Variants in TMEM131L observed in about 807,000 individuals in gnomAD.
TMEM131L encodes the protein transmembrane protein 131-like.
Under a neutral mutation model 192.2 loss-of-function variants are expected in TMEM131L, and 54 were observed. That is an observed-to-expected ratio of 0.28 (90% CI 0.23 to 0.35). The LOEUF is 0.35. Among genes scored for constraint, TMEM131L ranks in the 10% least tolerant of loss-of-function variants. TMEM131L has a pLI of 1.00. For missense variants in TMEM131L, 1,888 were observed against 1,972.9 expected (o/e 0.96, Z 0.82); for synonymous variants, 701 against 704.9 (o/e 0.99, Z 0.09).
chr4:153,581,186 G>A (rs193194696), intron 8 of TMEM131L, among the ~76,000 whole-genome samples: 2 of 152,266 alleles, frequency 1.3e-5, no homozygotes, highest in African/African-American at 2.4e-5. Context: ...CCTGGGAGGC[G>A]GAGCTTGCAG....
rs1357013879 is a variant in TMEM131L at position 153,466,454 on chromosome 4, G to A, written c.57G>A (p.Val19=). The change falls in exon 1 of 35, where the codon GTG becomes GTA. Residue 19 remains valine (V), a synonymous_variant. Transcript: ENST00000409959. ...PGCYCRTAAA[V]NLLLGVFQVL... The stretch of plus-strand genomic sequence containing the variant: ...GCTACTGCCGCACCGCGGCGGCCGT[G>A]AACCTCCTGCTGGGCGTCTTCCAGG... 1 of 1,425,360 alleles carries A rather than the reference G, an allele frequency of 7.0e-7. No individual in the cohort carries two copies. Among genetic ancestry groups the A allele is most frequent in the Non-Finnish European group, 9.2e-7 (1 of 1,082,430 alleles). 88.3% of individuals were successfully genotyped at this position (1,425,360 alleles called of 1,614,324 possible). A position where few individuals can be genotyped will look rare whatever the true frequency, so the allele number is the denominator to read the frequency against.
At chr4:153,466,693 C>G (rs114063000) in intron 1 of TMEM131L, among the ~76,000 whole-genome samples, 172 bp downstream of exon 1, 2,362 of 152,282 alleles carry the variant, frequency 0.016, 71 homozygotes, top group African/African-American at 0.054. Flanking sequence ...CACAGCGTCC[C>G]GTCCCGCGCC....
At chr4:153,469,717 A>G (rs931815902) in intron 2 of TMEM131L, among the ~76,000 whole-genome samples, 2 of 152,182 alleles carry the variant, frequency 1.3e-5, no homozygotes, top group Non-Finnish European at 2.9e-5. Context: ...ACCTGAGGTC[A>G]GGAGTTTGAG....
chr4:153,568,749 A>C, intron 7 of TMEM131L, among the ~76,000 whole-genome samples: 1 of 152,240 alleles, frequency 6.6e-6, no homozygotes, highest in East Asian at 1.9e-4. Context: ...GTACTTTAGA[A>C]ACTTTTGTTA....
At position 153,480,808 on chromosome 4, in the gene TMEM131L, T is replaced by C. The variant is rs115103413; in HGVS notation, c.239+6920T>C. On this transcript the variant is annotated intron_variant, in intron 3 of 34. Transcript: ENST00000409959. Reference sequence around the variant, plus strand: ...TCATACCTTCTCCCCAGAGTTCTCCTTTAGCTTGCAGGTGCCACAAAATTA... The same window carrying C: ...TCATACCTTCTCCCCAGAGTTCTCCCTTAGCTTGCAGGTGCCACAAAATTA... Among the ~76,000 whole-genome samples the C allele has an allele frequency of 4.9e-3, 740 of 152,342 alleles. 9 individuals carry two copies. The highest frequency in any genetic ancestry group is 0.016 in the African/African-American group (682 of 41,576).
At chr4:153,612,097 C>A (rs903932906) in intron 25 of TMEM131L, among the ~76,000 whole-genome samples, 155 bp from the exon 26 acceptor site, 2 of 151,948 alleles carry the variant, frequency 1.3e-5, no homozygotes, top group Non-Finnish European at 2.9e-5. Flanking sequence ...CATCTATGAA[C>A]AAAATAAATT....
chr4:153,487,457 GT>G (rs1372343220), intron 3 of TMEM131L, among the ~76,000 whole-genome samples: 1 of 152,166 alleles, frequency 6.6e-6, no homozygotes, highest in East Asian at 1.9e-4. Flanking sequence ...GGTCTCATAT[GT>G]CCTGGCATGC....
Position 153,555,757 on chromosome 4 carries a change from A to C in TMEM131L, c.309-30A>C, listed in dbSNP as rs1487324824. ...GGTAATATTTATAACCACACAATAC[A>C]TTGATTTTTCTCTTTGTTTCTCCTC... On this transcript the variant is annotated intron_variant, in intron 4 of 34. Transcript: ENST00000409959. This position sits in a 1 kb window ranked among gnomAD's most constrained non-coding sequence, Gnocchi z 4.1. 3 of 1,539,828 alleles carry C rather than the reference A, an allele frequency of 1.9e-6. No individual in the cohort carries two copies. Among genetic ancestry groups the C allele is most frequent in the Non-Finnish European group, 1.8e-6 (2 of 1,136,844 alleles).
intron 3 of TMEM131L, among the ~76,000 whole-genome samples, chr4:153,515,996 G>A (rs1297981358): frequency 3.3e-5 from 5 of 151,042 alleles, no homozygotes; most frequent in Non-Finnish European, 5.9e-5. Context: ...CTCACACAGC[G>A]TTGGGATTAT....
At chr4:153,602,829 A>G in intron 23 of TMEM131L, 102 bp downstream of exon 23, 23 of 965,638 alleles carry the variant, frequency 2.4e-5, no homozygotes, top group Non-Finnish European at 3.7e-5. Flanking sequence ...AAGTATATGA[A>G]TTGAGTGGAA....
At chr4:153,593,050 A>G (rs573975693) in intron 18 of TMEM131L, among the ~76,000 whole-genome samples, 1 of 152,052 alleles carries the variant, frequency 6.6e-6, no homozygotes, top group Non-Finnish European at 1.5e-5. Flanking sequence ...GGCCCTCCTT[A>G]TTTGAGGGTT....
chr4:153,502,429 A>G (rs1211021610), intron 3 of TMEM131L, among the ~76,000 whole-genome samples: 2 of 152,176 alleles, frequency 1.3e-5, no homozygotes, highest in African/African-American at 4.8e-5. Flanking sequence ...AGTGAACCTT[A>G]TTAGTATACT....
intron 3 of TMEM131L, among the ~76,000 whole-genome samples, chr4:153,530,765 G>T (rs1041360159): frequency 2.0e-5 from 3 of 152,124 alleles, no homozygotes; most frequent in Non-Finnish European, 4.4e-5. Flanking sequence ...TCTTAGGATC[G>T]CAGCTGAGAG....
rs1731897740 is a variant in TMEM131L, at chr4:153,602,287, A to G, written c.2402A>G (p.Asp801Gly). The G allele has an allele frequency of 6.2e-7, 1 of 1,613,710 alleles. No homozygotes were observed. Among genetic ancestry groups the G allele is most frequent in the South Asian group, 1.1e-5 (1 of 90,940 alleles). Residue 801 changes from aspartate to glycine, a missense_variant, in exon 22 of 35, where the codon GAT (aspartate) becomes GGT (glycine). Coordinates refer to ENST00000409959, the MANE Select transcript of TMEM131L (RefSeq NM_001131007.2). The stretch of plus-strand genomic sequence containing the variant: ...CAAGGTTATGGATTCGAGGTGCTGG[A>G]TTGTCATCAGTTTTCCCTGGACCCA... ...NCQGYGFEVLDCHQFSLDPNT... is the reference protein window; with the variant it reads ...NCQGYGFEVLGCHQFSLDPNT...
At chr4:153,470,953 G>C (rs1333881658) in intron 2 of TMEM131L, among the ~76,000 whole-genome samples, 1 of 151,876 alleles carries the variant, frequency 6.6e-6, no homozygotes, top group Non-Finnish European at 1.5e-5. Flanking sequence ...CTCCCTCTTT[G>C]AGTTTCTTGT....
In TMEM131L at chr4:153,592,444, G is replaced by C. The variant is rs547467058; in HGVS notation, c.1813-31G>C. 2.5e-5 allele frequency: 37 copies of C among 1,469,088 alleles called. No individual in the cohort carries two copies. In the Admixed American group the frequency reaches 5.4e-4, roughly 21 times the overall value. 91.0% of individuals were successfully genotyped at this position (1,469,088 alleles called of 1,614,324 possible). On this transcript the variant is annotated intron_variant, in intron 17 of 34. Transcript: ENST00000409959. ...TCAGGAGGGATGCTGTGTCCCTCTC[G>C]GGGTTTTAACTTTTCTTTCCTCACA... is the stretch of plus-strand genomic sequence containing the variant.
At position 153,512,635 on chromosome 4, in the gene TMEM131L, GAC is replaced by G. The variant is rs372497087; in HGVS notation, c.240-37436_240-37435del. ...TCTGCTTTCATCCTTTATCTTTTGA[GAC>G]AGAGTCTTGCTCTGTCGCCAGGCTG... On this transcript the variant is annotated intron_variant, in intron 3 of 34. Transcript: ENST00000409959. 8.0e-3 allele frequency among the ~76,000 whole-genome samples: 1,221 copies of G among 152,050 alleles called. 9 individuals carry two copies. Among genetic ancestry groups the G allele is most frequent in the Non-Finnish European group, 0.011 (770 of 68,002 alleles).
intron 7 of TMEM131L, among the ~76,000 whole-genome samples, chr4:153,578,611 C>G (rs916780860): frequency 6.6e-6 from 1 of 151,522 alleles, no homozygotes; most frequent in African/African-American, 2.4e-5. Context: ...AGCTCTGCCT[C>G]TCAGGTTCAC....
chr4:153,607,768 G>A (rs1732339284), intron 25 of TMEM131L, among the ~76,000 whole-genome samples: 1 of 152,162 alleles, frequency 6.6e-6, no homozygotes, highest in Non-Finnish European at 1.5e-5. Flanking sequence ...AAATGTTCTA[G>A]GGTATGTATG....
Sources: gnomAD v4.1 joint callset for allele counts (sites outside exome capture counted in the v4.1 genomes callset) on GRCh38, gnomAD v4.1.1 for gene constraint, Gnocchi (gnomAD v3.1) non-coding constraint, MANE v1.5 for transcripts, NCBI Gene and HGNC (gene_info 2026-07-23, HGNC 2026-07-21) for gene names.